Variants in RORA observed in about 807,000 individuals in gnomAD.
RORA encodes the protein RAR related orphan receptor A, also known as nuclear receptor ROR-alpha.
Under a neutral mutation model 69.5 loss-of-function variants are expected in RORA, and 7 were observed. That is an observed-to-expected ratio of 0.10 (90% CI 0.06 to 0.19). The LOEUF (loss-of-function observed/expected upper bound fraction) is 0.19, where lower values mean the gene tolerates loss of function less well. Among genes scored for constraint, RORA ranks in the 10% least tolerant of loss-of-function variants. RORA has a pLI of 1.00. For synonymous variants in RORA, 261 were observed against 240.8 expected, an observed-to-expected ratio of 1.08 and a Z score of -0.78; for missense variants, 457 against 663.0, an observed-to-expected ratio of 0.69 and a Z score of 3.41.
intron 1 of RORA, among the ~76,000 whole-genome samples, chr15:60,829,210 G>A (rs1007441665): frequency 5.3e-5 from 8 of 152,158 alleles, no homozygotes; most frequent in African/African-American, 1.9e-4. Flanking sequence ...GAGTTTTGCA[G>A]CAGGAAGGCT....
At chr15:60,641,072 C>T (rs1174577824) in intron 2 of RORA, among the ~76,000 whole-genome samples, 1 of 152,178 alleles carries the variant, frequency 6.6e-6, no homozygotes, top group Non-Finnish European at 1.5e-5. Flanking sequence ...CCCACCTTAA[C>T]CTCCTGAGTA....
At position 60,699,615 on chromosome 15, in the gene RORA, G is replaced by A. The variant is rs78710470; in HGVS notation, c.167-20929C>T. On this transcript the variant is annotated intron_variant, in intron 1 of 10. Coordinates refer to ENST00000335670, the MANE Select transcript of RORA (RefSeq NM_134261.3). ...TTTGGGGCATCTACTTCTTAAATTTGTTTTTACTGAGTAAACCTGGGCAAG... is the reference window on the plus strand; with the variant it reads ...TTTGGGGCATCTACTTCTTAAATTTATTTTTACTGAGTAAACCTGGGCAAG... Among the ~76,000 whole-genome samples, 587 of 152,228 alleles carry A rather than the reference G, an allele frequency of 3.9e-3. 4 individuals are homozygous for A. The highest frequency in any genetic ancestry group is 0.013 in the African/African-American group (560 of 41,498).
chr15:60,697,196 T>A (rs2070917998), intron 1 of RORA, among the ~76,000 whole-genome samples: 1 of 152,250 alleles, frequency 6.6e-6, no homozygotes, highest in Non-Finnish European at 1.5e-5. Context: ...CCAATTGCTA[T>A]GGATTGCTTT....
intron 1 of RORA, among the ~76,000 whole-genome samples, chr15:61,069,132 G>C (rs1483049899): frequency 6.6e-6 from 1 of 152,124 alleles, no homozygotes; most frequent in African/African-American, 2.4e-5. Flanking sequence ...TTATTCAATG[G>C]TACACCTCTG....
intron 1 of RORA, among the ~76,000 whole-genome samples, chr15:61,010,146 A>G (rs532796747): frequency 6.6e-6 from 1 of 152,238 alleles, no homozygotes; most frequent in African/African-American, 2.4e-5. Context: ...TGGTGAGTTA[A>G]AAAGAAAGAC....
chr15:61,218,174 T>TG (rs1284609776), intron 1 of RORA, among the ~76,000 whole-genome samples: 3 of 131,700 alleles, frequency 2.3e-5, no homozygotes, highest in Non-Finnish European at 4.8e-5. Context: ...ACATGAAATG[T>TG]TTGTGTGTGT....
intron 1 of RORA, among the ~76,000 whole-genome samples, chr15:61,212,446 C>T (rs547602990): frequency 6.6e-6 from 1 of 152,326 alleles, no homozygotes; most frequent in South Asian, 2.1e-4. Flanking sequence ...GTCGCCCAGG[C>T]TGGAGTGCAA....
intron 1 of RORA, among the ~76,000 whole-genome samples, chr15:61,133,653 G>C (rs1261221141): frequency 1.3e-5 from 2 of 152,118 alleles, no homozygotes; most frequent in Non-Finnish European, 2.9e-5. Context: ...GAGGTACTCT[G>C]GGGCCACGAC....
chr15:60,921,258 A>G (rs1218619059), intron 1 of RORA, among the ~76,000 whole-genome samples: 2 of 152,214 alleles, frequency 1.3e-5, no homozygotes, highest in Non-Finnish European at 2.9e-5. Flanking sequence ...CTATTCATAA[A>G]AACCCCAAAA....
At chr15:60,784,578 A>G (rs1313531591) in intron 1 of RORA, among the ~76,000 whole-genome samples, 2 of 152,212 alleles carry the variant, frequency 1.3e-5, no homozygotes, top group Non-Finnish European at 2.9e-5. Context: ...CTAGCCCAGC[A>G]CTGAGTGTAC....
At chr15:60,541,853 A>G (rs1475997714) in intron 2 of RORA, among the ~76,000 whole-genome samples, 1 of 152,240 alleles carries the variant, frequency 6.6e-6, no homozygotes, top group East Asian at 1.9e-4. Context: ...TAAGAACACA[A>G]CAGCCATGTA....
At chr15:60,947,718 A>C (rs1346832076) in intron 1 of RORA, among the ~76,000 whole-genome samples, 4 of 150,568 alleles carry the variant, frequency 2.7e-5, no homozygotes, top group Non-Finnish European at 4.4e-5. Flanking sequence ...AAAATGAAAC[A>C]AAAAAGGGCC....
chr15:60,927,138 C>G (rs984439818), intron 1 of RORA, among the ~76,000 whole-genome samples: 3 of 152,174 alleles, frequency 2.0e-5, no homozygotes, highest in African/African-American at 7.2e-5. Context: ...CAGGTGCACG[C>G]TAGTCACACA....
At chr15:61,119,084 G>T (rs1055261646) in intron 1 of RORA, among the ~76,000 whole-genome samples, 4 of 147,526 alleles carry the variant, frequency 2.7e-5, no homozygotes, top group South Asian at 2.2e-4. Context: ...TAACAGAAGG[G>T]GGGGGGGGGC....
intron 2 of RORA, among the ~76,000 whole-genome samples, chr15:60,541,748 A>C (rs2066879102): frequency 6.6e-6 from 1 of 151,022 alleles, no homozygotes; most frequent in Admixed American, 6.5e-5. Context: ...ACACCTCATA[A>C]ATGTCATTTT....
intron 1 of RORA, among the ~76,000 whole-genome samples, chr15:60,750,404 G>A (rs1397586610): frequency 6.6e-6 from 1 of 152,218 alleles, no homozygotes; most frequent in African/African-American, 2.4e-5. Flanking sequence ...GAACAATTGT[G>A]CAGATAATTT....
At chr15:60,746,424 G>A (rs1036158801) in intron 1 of RORA, among the ~76,000 whole-genome samples, 1 of 152,076 alleles carries the variant, frequency 6.6e-6, no homozygotes, top group Non-Finnish European at 1.5e-5. Flanking sequence ...ACTACATGGT[G>A]GGTGGAGAGT....
intron 1 of RORA, among the ~76,000 whole-genome samples, chr15:61,070,610 C>T (rs1214591166): frequency 6.6e-6 from 1 of 152,240 alleles, no homozygotes; most frequent in Non-Finnish European, 1.5e-5. Flanking sequence ...AATGTCTATT[C>T]TATCTCAAAC....
intron 1 of RORA, among the ~76,000 whole-genome samples, chr15:60,725,608 A>G (rs1240101001): frequency 6.6e-6 from 1 of 152,182 alleles, no homozygotes; most frequent in Non-Finnish European, 1.5e-5. Context: ...AAAATATACA[A>G]TTAAATTATT....
Sources: allele counts gnomAD v4.1 joint callset (sites outside exome capture counted in the v4.1 genomes callset), GRCh38; gene constraint gnomAD v4.1.1; transcripts MANE v1.5; gene names NCBI Gene and HGNC (gene_info 2026-07-23, HGNC 2026-07-21).